Variants in TAF4B observed in about 807,000 individuals in gnomAD.
TAF4B encodes the protein transcription initiation factor TFIID subunit 4B.
A neutral mutation model predicts 86.4 loss-of-function variants in TAF4B; 38 were observed. The ratio of observed to expected loss-of-function variants is 0.44; its 90% CI spans 0.34 to 0.58. The LOEUF (loss-of-function observed/expected upper bound fraction) is 0.58. Among genes scored for constraint, TAF4B ranks in the 20% least tolerant of loss-of-function variants. TAF4B has a pLI of 0.02. For synonymous variants in TAF4B, 388 were observed against 391.2 expected, an observed-to-expected ratio of 0.99 and a Z score of 0.10; for missense variants, 988 against 1,027.6, an observed-to-expected ratio of 0.96 and a Z score of 0.53.
At chr18:26,273,429 A>G (rs567440937) in intron 3 of TAF4B, among the ~76,000 whole-genome samples, 1 of 152,094 alleles carries the variant, frequency 6.6e-6, no homozygotes, top group Non-Finnish European at 1.5e-5. Flanking sequence ...CACATATGTA[A>G]TATGTCTGCT....
intron 14 of TAF4B, among the ~76,000 whole-genome samples, chr18:26,361,060 T>G (rs913147295): frequency 2.0e-5 from 3 of 152,156 alleles, no homozygotes; most frequent in Non-Finnish European, 4.4e-5. Flanking sequence ...TATGACTATT[T>G]ACATATTAGT....
intron 9 of TAF4B, among the ~76,000 whole-genome samples, chr18:26,312,847 T>G (rs1353657001): frequency 3.9e-5 from 6 of 152,178 alleles, no homozygotes; most frequent in African/African-American, 9.7e-5. Flanking sequence ...TCTCTACACT[T>G]CAATTTTTCT....
Position 26,226,829 on chromosome 18 carries a change from G to A in TAF4B, c.-105G>A, listed in dbSNP as rs927144269. 2.1e-6 allele frequency: 2 copies of A among 937,654 alleles called. No individual in the cohort carries two copies. Among genetic ancestry groups the A allele is most frequent in the Non-Finnish European group, 2.9e-6 (2 of 696,210 alleles). The allele number at this position is 937,654 out of a possible 1,614,324, so 58.1% of individuals were successfully genotyped here. Reference sequence around the variant, plus strand: ...GGCCCCCGCGCCTCTCCCCAGCGATGCTGTGGAACCCGAACCGCACCGGAG... The same window carrying A: ...GGCCCCCGCGCCTCTCCCCAGCGATACTGTGGAACCCGAACCGCACCGGAG... On this transcript the variant is annotated 5_prime_UTR_variant, in exon 1 of 15. An upstream start codon of the reference 5' UTR is lost. Coordinates refer to ENST00000269142, the MANE Select transcript of TAF4B (RefSeq NM_005640.3).
At chr18:26,296,107 AGTTTTTCCCTT>A (rs1259989070) in intron 9 of TAF4B, among the ~76,000 whole-genome samples, 1 of 148,978 alleles carries the variant, frequency 6.7e-6, no homozygotes, top group African/African-American at 2.5e-5. Flanking sequence ...TATTTATGTC[AGTTTTTCCCTT>A]GTTTTTCCAC....
chr18:26,292,253 A>C lies in TAF4B; in HGVS notation c.1598A>C (p.Gln533Pro). 6.2e-7 allele frequency: 1 copy of C among 1,613,940 alleles called. No homozygotes were observed. ...TAGTTCTCATTGTTTCAGGTAGTTCAGCAGCCTTCAGGAGGCAATGAAAAA... is the reference window on the plus strand; with the variant it reads ...TAGTTCTCATTGTTTCAGGTAGTTCCGCAGCCTTCAGGAGGCAATGAAAAA... ...QAVQVKQLVV[Q>P]QPSGGNEKQV... is the part of the protein sequence containing the mutation. The change falls in exon 8 of 15, where the codon CAG becomes CCG. Residue 533 changes from glutamine to proline, a missense_variant. By Grantham distance (76) the Gln-to-Pro change is moderately conservative. This residue lies in a region of TAF4B where 747 missense variants were observed against 737.9 expected (regional missense o/e 1.01). Coordinates refer to ENST00000269142, the MANE Select transcript of TAF4B (RefSeq NM_005640.3).
At chr18:26,327,755 GT>G (rs1365066392) in intron 12 of TAF4B, among the ~76,000 whole-genome samples, 1 of 151,990 alleles carries the variant, frequency 6.6e-6, no homozygotes, top group Non-Finnish European at 1.5e-5. Flanking sequence ...GTTGTTGTTG[GT>G]TTGTTTTTTA....
At chr18:26,262,653 A>G (rs904373816) in intron 1 of TAF4B, among the ~76,000 whole-genome samples, 4 of 151,596 alleles carry the variant, frequency 2.6e-5, no homozygotes, top group Admixed American at 6.6e-5. Flanking sequence ...TAATTTTTGT[A>G]TTTTTTTAGT....
chr18:26,226,978 T>C lies in TAF4B; in HGVS notation c.45T>C (p.Ala15=), dbSNP rs2055585198. ...LTEPAGAAPP[A]AVSASGTVTM... ...AACCCGCCGGCGCCGCTCCCCCGGC[T>C]GCTGTGAGCGCCTCGGGGACCGTGA... The change falls in exon 1 of 15, where the codon GCT becomes GCC. Residue 15 remains alanine, a synonymous_variant. Coordinates refer to ENST00000269142, the MANE Select transcript of TAF4B (RefSeq NM_005640.3). The C allele has an allele frequency of 1.4e-6, 2 of 1,393,654 alleles. No individual in the cohort carries two copies. Among genetic ancestry groups the C allele is most frequent in the African/African-American group, 3.1e-5 (2 of 65,272 alleles). The allele number at this position is 1,393,654 out of a possible 1,614,324, so 86.3% of individuals were successfully genotyped here.
chr18:26,284,724 T>G (rs2056489278), intron 6 of TAF4B, among the ~76,000 whole-genome samples: 2 of 151,868 alleles, frequency 1.3e-5, no homozygotes, highest in Non-Finnish European at 2.9e-5. Context: ...ATACAAAAAT[T>G]AGCCAGTGGT....
intron 14 of TAF4B, among the ~76,000 whole-genome samples, chr18:26,384,817 C>T (rs956422846): frequency 6.6e-6 from 1 of 152,144 alleles, no homozygotes; most frequent in East Asian, 1.9e-4. Context: ...ATTAGTGTTA[C>T]TATCCCTATT....
chr18:26,320,099 A>T (rs1341767945), intron 10 of TAF4B, among the ~76,000 whole-genome samples: 1 of 152,192 alleles, frequency 6.6e-6, no homozygotes. Flanking sequence ...TAATTCAAGC[A>T]TATTTTTTCT....
intron 6 of TAF4B, among the ~76,000 whole-genome samples, chr18:26,285,222 G>GTTTTTTTTTTTTTTTTT (rs776976703): frequency 6.3e-4 from 29 of 45,678 alleles, no homozygotes; most frequent in Non-Finnish European, 9.9e-4. Context: ...TTTTTTTTTT[G>GTTTTTTTTTTTTTTTTT]TTTTTTTTTT....
intron 14 of TAF4B, among the ~76,000 whole-genome samples, chr18:26,364,199 T>C (rs1233284620): frequency 6.6e-6 from 1 of 152,176 alleles, no homozygotes; most frequent in Admixed American, 6.5e-5. Flanking sequence ...GCTATCTCCT[T>C]ATGTTATCCT....
chr18:26,304,406 A>T (rs2056773484), intron 9 of TAF4B, among the ~76,000 whole-genome samples: 2 of 152,234 alleles, frequency 1.3e-5, no homozygotes, highest in Non-Finnish European at 2.9e-5. Context: ...ATGAGCAAGA[A>T]ACTATTTTTA....
intron 14 of TAF4B, among the ~76,000 whole-genome samples, chr18:26,378,612 A>G (rs576319297): frequency 6.6e-5 from 10 of 152,320 alleles, no homozygotes; most frequent in African/African-American, 1.9e-4. Context: ...TATAATTTAT[A>G]TACAATAGAA....
chr18:26,259,511 C>T lies in TAF4B; in HGVS notation c.344-5659C>T, dbSNP rs149717044. Among the ~76,000 whole-genome samples, 110 of 151,892 alleles carry T rather than the reference C, an allele frequency of 7.2e-4. 2 individuals carry two copies. In the East Asian group the frequency reaches 0.015, roughly 20 times the overall value. ...AAGTGTTCTCATTGTTCAATTCCCA[C>T]CTATGAGTGAGAACATGTGGTGTTT... On this transcript the variant is annotated intron_variant, in intron 1 of 14. Coordinates refer to ENST00000269142, the MANE Select transcript of TAF4B (RefSeq NM_005640.3).
Position 26,386,362 on chromosome 18 carries a change from C to G in TAF4B, c.2422-3483C>G, listed in dbSNP as rs143858623. 4.0e-3 allele frequency among the ~76,000 whole-genome samples: 609 copies of G among 152,084 alleles called. 1 individual carries two copies. Among genetic ancestry groups the G allele is most frequent in the Non-Finnish European group, 5.8e-3 (392 of 67,994 alleles). ...TGCCTTATTGTCTTTCCTTTCCCCC[C>G]TCTCTTTGCTTCCATGTTAATTTCC... On this transcript the variant is annotated intron_variant, in intron 14 of 14. Transcript: ENST00000269142.
intron 13 of TAF4B, among the ~76,000 whole-genome samples, chr18:26,349,385 T>C (rs1005682992): frequency 3.3e-5 from 5 of 152,144 alleles, no homozygotes; most frequent in African/African-American, 1.2e-4. Context: ...TAGTATTCCT[T>C]ACCTAATGAA....
rs755174285 is a variant in TAF4B at position 26,265,200 on chromosome 18, C to T, written c.374C>T (p.Pro125Leu). ...GTVLIKSNSG[P>L]LMLVSPQQTV... is the part of the protein sequence containing the mutation. ...GTTTTGATTAAAAGTAACAGTGGTC[C>T]GTTGATGTTGGTATCTCCTCAGCAA... is the stretch of plus-strand genomic sequence containing the variant. The change falls in exon 2 of 15, where the codon CCG becomes CTG. Residue 125 changes from proline to leucine, a missense_variant. Around this residue, in one of 3 missense-constraint regions of TAF4B, gnomAD observed 747 missense variants for 737.9 expected, o/e 1.01. Coordinates refer to ENST00000269142, the MANE Select transcript of TAF4B (RefSeq NM_005640.3). 1.5e-5 allele frequency: 25 copies of T among 1,612,970 alleles called. No individual in the cohort carries two copies. The highest frequency in any genetic ancestry group is 5.0e-5 in the Admixed American group (3 of 59,808).
Sources: allele counts gnomAD v4.1 joint callset (sites outside exome capture counted in the v4.1 genomes callset), GRCh38; gene constraint gnomAD v4.1.1; regional missense constraint gnomAD v4.1.1; transcripts MANE v1.5; gene names NCBI Gene and HGNC (gene_info 2026-07-23, HGNC 2026-07-21).